Variants in DOK5 observed in about 807,000 individuals in gnomAD.
DOK5 encodes downstream of tyrosine kinase 5.
In DOK5, 27 loss-of-function variants were observed where a neutral mutation model predicts 43.3. The ratio of observed to expected loss-of-function variants is 0.62; its 90% CI spans 0.46 to 0.86. DOK5 has a LOEUF of 0.86. Among genes scored for constraint, DOK5 ranks in the 40% least tolerant of loss-of-function variants. The pLI, the probability that DOK5 is intolerant of heterozygous loss-of-function variation, is 0.00. For synonymous variants in DOK5, 146 were observed against 140.1 expected (o/e 1.04, Z -0.30); for missense variants, 373 against 392.9 (o/e 0.95, Z 0.43).
intron 6 of DOK5, among the ~76,000 whole-genome samples, chr20:54,625,461 G>A (rs1987106162): frequency 6.6e-6 from 1 of 152,196 alleles, no homozygotes; most frequent in Non-Finnish European, 1.5e-5. Context: ...TTGGAACGGA[G>A]TAGATTTGAG....
intron 6 of DOK5, among the ~76,000 whole-genome samples, chr20:54,624,662 AATTTTTTTAGTAAGG>A (rs1186172582): frequency 7.3e-6 from 1 of 137,766 alleles, no homozygotes; most frequent in Non-Finnish European, 1.6e-5. Context: ...TGGGGGAGAG[AATTTTTTTAGTAAGG>A]AGGCAGAAAA....
rs114190327 is a variant in DOK5, at chr20:54,638,458, C to G, written c.736-5000C>G. 8.5e-3 allele frequency among the ~76,000 whole-genome samples: 1,291 copies of G among 152,198 alleles called. 19 individuals are homozygous for G. Among genetic ancestry groups the G allele is most frequent in the African/African-American group, 0.028 (1,142 of 41,518 alleles). On this transcript the variant is annotated intron_variant, in intron 6 of 7. Coordinates refer to ENST00000262593, the MANE Select transcript of DOK5 (RefSeq NM_018431.5). ...TTGAGGCCTGAGAAGGGAAGGGTGT[C>G]AAGATCAGAGCCCCCCAATCTAAGA...
chr20:54,529,857 A>C (rs1010482342), intron 1 of DOK5, among the ~76,000 whole-genome samples: 4 of 152,208 alleles, frequency 2.6e-5, no homozygotes, highest in Admixed American at 2.0e-4. Context: ...TTCACTTAGT[A>C]CATTGTTTTT....
At chr20:54,490,333 C>T (rs1340444146) in intron 1 of DOK5, among the ~76,000 whole-genome samples, 1 of 152,008 alleles carries the variant, frequency 6.6e-6, no homozygotes, top group Non-Finnish European at 1.5e-5. Context: ...TGAAATGATA[C>T]ATATATACAT....
In DOK5 at chr20:54,641,880, G is replaced by A. The variant is rs551952057; in HGVS notation, c.736-1578G>A. ...GATACTTAAATAGCCGTCAGCTCTC[G>A]CCAATGTGAAATTACCTCCCAATGA... On this transcript the variant is annotated intron_variant, in intron 6 of 7. Transcript: ENST00000262593. 1.6e-4 allele frequency among the ~76,000 whole-genome samples: 24 copies of A among 152,188 alleles called. No homozygotes were observed. In the South Asian group the frequency reaches 2.5e-3, roughly 16 times the overall value.
At chr20:54,519,939 C>A (rs1175271038) in intron 1 of DOK5, among the ~76,000 whole-genome samples, 1 of 152,174 alleles carries the variant, frequency 6.6e-6, no homozygotes, top group Non-Finnish European at 1.5e-5. Flanking sequence ...AAAGAGAATC[C>A]TGTTGTCTTA....
chr20:54,567,801 T>C (rs1985145707), intron 2 of DOK5, among the ~76,000 whole-genome samples: 1 of 152,208 alleles, frequency 6.6e-6, no homozygotes, highest in Admixed American at 6.5e-5. Context: ...GTTAAGTCCA[T>C]TCATGAACAT....
At chr20:54,605,108 T>TACACACACACAC (rs11471905) in intron 5 of DOK5, among the ~76,000 whole-genome samples, 1 of 148,932 alleles carries the variant, frequency 6.7e-6, no homozygotes, top group African/African-American at 2.5e-5. Context: ...CCATATATTC[T>TACACACACACAC]ACACACACAC....
chr20:54,619,025 A>T (rs6098122), intron 6 of DOK5, among the ~76,000 whole-genome samples: 7,243 of 18,092 alleles, frequency 0.4, 567 homozygotes, highest in African/African-American at 0.46. Flanking sequence ...TCAATAAATT[A>T]TATATATATA....
chr20:54,596,892 C>A (rs1600725342), intron 5 of DOK5, among the ~76,000 whole-genome samples: 1 of 152,156 alleles, frequency 6.6e-6, no homozygotes. Flanking sequence ...TAGCTTCATT[C>A]TAGCTCCATA....
chr20:54,585,840 G>A (rs1179436590), intron 2 of DOK5, among the ~76,000 whole-genome samples: 3 of 152,222 alleles, frequency 2.0e-5, no homozygotes, highest in African/African-American at 7.2e-5. Flanking sequence ...TAAAAATGCT[G>A]GCCGGGTGCA....
At chr20:54,499,739 T>A (rs1021426658) in intron 1 of DOK5, among the ~76,000 whole-genome samples, 1 of 152,210 alleles carries the variant, frequency 6.6e-6, no homozygotes, top group African/African-American at 2.4e-5. Context: ...ATCACATTAC[T>A]TGACCAAGTA....
Position 54,650,603 on chromosome 20 carries a change from G to T in DOK5, c.*124G>T. The T allele has an allele frequency of 3.6e-6, 3 of 822,350 alleles. No homozygotes were observed. The highest frequency in any genetic ancestry group is 5.7e-6 in the Non-Finnish European group (3 of 524,474). The allele number at this position is 822,350 out of a possible 1,614,324, so 50.9% of individuals were successfully genotyped here. A position where few individuals can be genotyped will look rare whatever the true frequency, so the allele number is the denominator to read the frequency against. On this transcript the variant is annotated 3_prime_UTR_variant, in exon 8 of 8. Transcript: ENST00000262593. Reference sequence around the variant, plus strand: ...AAGAAGCTTAAAGTCCTGGCTAATTGTGTGGTCATTGGAAAACTCTGCAAT... The same window carrying T: ...AAGAAGCTTAAAGTCCTGGCTAATTTTGTGGTCATTGGAAAACTCTGCAAT...
chr20:54,635,219 T>G (rs1051500670), intron 6 of DOK5, among the ~76,000 whole-genome samples: 1 of 152,198 alleles, frequency 6.6e-6, no homozygotes, highest in Non-Finnish European at 1.5e-5. Context: ...GAAAGACATT[T>G]AAGTATTTTA....
At chr20:54,611,376 A>G (rs553238250) in intron 6 of DOK5, among the ~76,000 whole-genome samples, 47 of 152,256 alleles carry the variant, frequency 3.1e-4, no homozygotes, top group African/African-American at 1.1e-3. Flanking sequence ...AGCCTGGACA[A>G]CATGGGGAGA....
At chr20:54,558,865 A>G (rs1350177370) in intron 2 of DOK5, among the ~76,000 whole-genome samples, 1 of 152,200 alleles carries the variant, frequency 6.6e-6, no homozygotes, top group Non-Finnish European at 1.5e-5. Flanking sequence ...ACACAAGAAA[A>G]AGATTGTAGA....
chr20:54,549,124 C>A (rs1245514675), intron 1 of DOK5, among the ~76,000 whole-genome samples: 1 of 152,184 alleles, frequency 6.6e-6, no homozygotes, highest in Non-Finnish European at 1.5e-5. Context: ...GGAGACACAG[C>A]GTCGTCTGAA....
chr20:54,529,623 A>T (rs551076335), intron 1 of DOK5, among the ~76,000 whole-genome samples: 1 of 152,318 alleles, frequency 6.6e-6, no homozygotes, highest in South Asian at 2.1e-4. Flanking sequence ...CAGTATTTTT[A>T]GCATATTTAC....
chr20:54,502,587 A>G (rs1178317388), intron 1 of DOK5, among the ~76,000 whole-genome samples: 2 of 152,186 alleles, frequency 1.3e-5, no homozygotes, highest in African/African-American at 4.8e-5. Context: ...TTTCAGCCAT[A>G]TTTCAAGCAT....
Sources: gnomAD v4.1 joint callset for allele counts (sites outside exome capture counted in the v4.1 genomes callset) on GRCh38, gnomAD v4.1.1 for gene constraint, MANE v1.5 for transcripts, NCBI Gene and HGNC (gene_info 2026-07-23, HGNC 2026-07-21) for gene names.